Variants in NVL observed in about 807,000 individuals in gnomAD.
The protein encoded by NVL is nuclear valosin-containing protein-like.
NVL carries 84 observed loss-of-function variants against 110.2 expected under a neutral mutation model. That is an observed-to-expected ratio of 0.76 (90% CI 0.64 to 0.91). The LOEUF (loss-of-function observed/expected upper bound fraction) is 0.91, where lower values mean the gene tolerates loss of function less well. Among genes scored for constraint, NVL ranks in the 40% least tolerant of loss-of-function variants. NVL has a pLI of 0.00. For synonymous variants in NVL, 354 were observed against 361.1 expected, an observed-to-expected ratio of 0.98 and a Z score of 0.22; for missense variants, 882 against 1,035.9, an observed-to-expected ratio of 0.85 and a Z score of 2.04.
chr1:224,324,750 G>A (rs1225546033), intron 2 of NVL, among the ~76,000 whole-genome samples: 4 of 152,186 alleles, frequency 2.6e-5, no homozygotes, highest in African/African-American at 4.8e-5. Context: ...TGAGATGAGA[G>A]TTTGGACTTA....
rs1326665631 is a variant in NVL at position 224,326,487 on chromosome 1, T to C, written c.58-23A>G. 33 of 1,486,540 alleles carry C rather than the reference T, an allele frequency of 2.2e-5. No individual in the cohort carries two copies. The Admixed American group carries it at 5.5e-4, about 25-fold the overall frequency. The allele number at this position is 1,486,540 out of a possible 1,614,324, so 92.1% of individuals were successfully genotyped here. ...GTACTAAAACAGAAAATATAACAAA[T>C]ACAAAACACCCAATATTTCAAACTC... On this transcript the variant is annotated intron_variant, in intron 1 of 22. Coordinates refer to ENST00000281701, the MANE Select transcript of NVL (RefSeq NM_002533.4).
chr1:224,253,192 GC>G (rs1298162253), intron 18 of NVL, among the ~76,000 whole-genome samples: 4 of 151,514 alleles, frequency 2.6e-5, no homozygotes, highest in Admixed American at 6.6e-5. Context: ...TTACAAGTGT[GC>G]CCCCCTGCCC....
Position 224,308,068 on chromosome 1 carries a change from T to C in NVL, c.538A>G (p.Ser180Gly). ...EGGWFIDKTPSVKKDSFFLDL... is the reference protein window; with the variant it reads ...EGGWFIDKTPGVKKDSFFLDL... ...AAGAAAAAACTGTCTTTCTTTACAC[T>C]TGGGGTTTTGTCAATAAACCATCCT... The change falls in exon 6 of 23, where the codon AGT (serine) becomes GGT (glycine). Residue 180 changes from serine (S) to glycine (G), a missense_variant. Physicochemically the swap from Ser to Gly is moderately conservative, Grantham distance 56 (BLOSUM62 0). Transcript: ENST00000281701. 2 of 1,606,842 alleles carry C rather than the reference T, an allele frequency of 1.2e-6. No homozygotes were observed. Among genetic ancestry groups the C allele is most frequent in the Non-Finnish European group, 1.7e-6 (2 of 1,177,792 alleles).
At position 224,286,030 on chromosome 1, in the gene NVL, G is replaced by A. The variant is rs1413031993; in HGVS notation, c.1895C>T (p.Ala632Val). ...GCAATTGAACTTATATGATACCTTC[G>A]CCAGCAGAGTCTTCCCACAGCCAGG... ...GPPGCGKTLL[A>V]KAVANESGLN... Residue 632 changes from alanine to valine, a missense_variant, in exon 15 of 23, where the codon GCG (alanine) becomes GTG (valine). Coordinates refer to ENST00000281701, the MANE Select transcript of NVL (RefSeq NM_002533.4). The A allele has an allele frequency of 1.1e-5, 17 of 1,611,466 alleles. No homozygotes were observed. Among genetic ancestry groups the A allele is most frequent in the African/African-American group, 2.7e-5 (2 of 74,750 alleles).
chr1:224,256,423 TAAAAAAAAAAAAAA>T (rs34959473), intron 18 of NVL, among the ~76,000 whole-genome samples: 1 of 75,678 alleles, frequency 1.3e-5, no homozygotes, highest in Non-Finnish European at 2.4e-5. Context: ...AGGCTCCATC[TAAAAAAAAAAAAAA>T]AAAAAAAAAA....
chr1:224,285,953 A>T, intron 15 of NVL, 73 bp downstream of exon 15: 1 of 1,156,840 alleles, frequency 8.6e-7, no homozygotes, highest in East Asian at 2.4e-5. Context: ...TCACTGTAAT[A>T]TTTAAAGTTA....
rs576844778 is a variant in NVL, at chr1:224,278,571, T to A, written c.1962+2552A>T. Among the ~76,000 whole-genome samples the A allele has an allele frequency of 2.6e-4, 39 of 152,168 alleles. 1 individual carries two copies. Among genetic ancestry groups the A allele is most frequent in the Non-Finnish European group, 4.4e-4 (30 of 68,000 alleles). On this transcript the variant is annotated intron_variant, in intron 16 of 22. Transcript: ENST00000281701. ...TTCAGAGACATTCTGCACTCTTCCA[T>A]AGACCTCTTCCCCCTACCCACCCGT...
At chr1:224,311,175 A>G (rs904214996) in intron 5 of NVL, among the ~76,000 whole-genome samples, 1 of 151,720 alleles carries the variant, frequency 6.6e-6, no homozygotes, top group Non-Finnish European at 1.5e-5. Flanking sequence ...CTCCCACCTC[A>G]GCTTCCTGAG....
At chr1:224,269,134 C>T (rs1389151735) in intron 17 of NVL, among the ~76,000 whole-genome samples, 1 of 135,550 alleles carries the variant, frequency 7.4e-6, no homozygotes, top group African/African-American at 2.8e-5. Flanking sequence ...GTAGCCGAGG[C>T]TAGAGTGTAC....
At chr1:224,246,230 A>G (rs1661806237) in intron 19 of NVL, among the ~76,000 whole-genome samples, 1 of 151,664 alleles carries the variant, frequency 6.6e-6, no homozygotes, top group East Asian at 2.0e-4. Flanking sequence ...GTGTTTTGCC[A>G]TGTTGGCCAG....
At chr1:224,285,092 C>A (rs1305471930) in intron 15 of NVL, among the ~76,000 whole-genome samples, 1 of 152,102 alleles carries the variant, frequency 6.6e-6, no homozygotes, top group Middle Eastern at 3.4e-3. Context: ...TATATACTGA[C>A]GTGAAGATGT....
chr1:224,228,236 T>C (rs183588193), intron 22 of NVL, among the ~76,000 whole-genome samples: 1 of 152,264 alleles, frequency 6.6e-6, no homozygotes, highest in East Asian at 1.9e-4. Flanking sequence ...CTTATGTCTA[T>C]CTAATTAGTG....
chr1:224,299,389 T>C (rs1165482096), intron 10 of NVL, among the ~76,000 whole-genome samples: 1 of 152,220 alleles, frequency 6.6e-6, no homozygotes, highest in Admixed American at 6.5e-5. Context: ...TATCACTTGA[T>C]TGGATTTCAC....
Position 224,300,499 on chromosome 1 carries a change from G to A in NVL, c.1062+63C>T, listed in dbSNP as rs1300566983. ...TTAACAAATACTAGCATCAGAAAAA[G>A]CAGGATCTTTAATATAAGCTGGTAG... On this transcript the variant is annotated intron_variant, in intron 10 of 22. Coordinates refer to ENST00000281701, the MANE Select transcript of NVL (RefSeq NM_002533.4). The A allele has an allele frequency of 5.1e-6, 6 of 1,170,938 alleles. No individual in the cohort carries two copies. In the East Asian group the frequency reaches 1.4e-4, roughly 28 times the overall value. The allele number at this position is 1,170,938 out of a possible 1,614,324, so 72.5% of individuals were successfully genotyped here.
chr1:224,300,058 C>T (rs953372607), intron 10 of NVL, among the ~76,000 whole-genome samples: 2 of 152,162 alleles, frequency 1.3e-5, no homozygotes, highest in African/African-American at 2.4e-5. Context: ...GGCACCATAT[C>T]GAAGGTTTTA....
Position 224,250,335 on chromosome 1 carries a change from A to G in NVL, c.2183-17T>C, listed in dbSNP as rs903053664. 3.4e-5 allele frequency: 52 copies of G among 1,527,982 alleles called. No individual in the cohort carries two copies. The highest frequency in any genetic ancestry group is 4.5e-5 in the Non-Finnish European group (51 of 1,142,974). 94.7% of individuals were successfully genotyped at this position (1,527,982 alleles called of 1,614,324 possible). A position where few individuals can be genotyped will look rare whatever the true frequency, so the allele number is the denominator to read the frequency against. ...CAATTATATCTAGAGAAGAAGGGAG[A>G]AAAAAAGTCTTAAATAAAACCTTTT... On this transcript the variant is annotated splice_polypyrimidine_tract_variant and intron_variant, in intron 18 of 22. Transcript: ENST00000281701.
At chr1:224,324,485 C>T (rs1670948305) in intron 2 of NVL, among the ~76,000 whole-genome samples, 1 of 152,132 alleles carries the variant, frequency 6.6e-6, no homozygotes, top group African/African-American at 2.4e-5. Flanking sequence ...CTGGAGTGCA[C>T]TGGTGCAATC....
chr1:224,298,470 G>A, intron 10 of NVL: 1 of 172,006 alleles, frequency 5.8e-6, no homozygotes, highest in Non-Finnish European at 1.3e-5. Context: ...GAAACACATG[G>A]AGGAAAATGA....
At chr1:224,293,961 G>A (rs1470903463) in intron 12 of NVL, among the ~76,000 whole-genome samples, 3 of 152,160 alleles carry the variant, frequency 2.0e-5, no homozygotes, top group African/African-American at 7.2e-5. Flanking sequence ...GACTACAGGT[G>A]TGTGCACAGC....
Sources: gnomAD v4.1 joint callset for allele counts (sites outside exome capture counted in the v4.1 genomes callset) on GRCh38, gnomAD v4.1.1 for gene constraint, MANE v1.5 for transcripts, NCBI Gene and HGNC (gene_info 2026-07-23, HGNC 2026-07-21) for gene names.